The following PDE4D variants were observed in gnomAD, a reference collection of about 807,000 sequenced individuals.
PDE4D encodes 3',5'-cyclic-AMP phosphodiesterase 4D.
PDE4D carries 24 observed loss-of-function variants against 87.4 expected under a neutral mutation model. That is an observed-to-expected ratio of 0.27 (90% CI 0.20 to 0.39). The LOEUF is 0.39. PDE4D is among the 10% of genes least tolerant of loss of function. The pLI, the probability that PDE4D is intolerant of heterozygous loss-of-function variation, is 1.00. For missense variants in PDE4D, 714 were observed against 1,041.0 expected (o/e 0.69, Z 4.32); for synonymous variants, 384 against 383.2 (o/e 1.00, Z -0.02).
Position 59,406,395 on chromosome 5 carries a change from TCCCCCCC to T in PDE4D, c.456-190434_456-190428del, listed in dbSNP as rs3061708. 3.5e-3 allele frequency among the ~76,000 whole-genome samples: 117 copies of T among 33,244 alleles called. 3 individuals carry two copies. The highest frequency in any genetic ancestry group is 0.012 in the African/African-American group (96 of 8,176). The allele number at this position is 33,244 out of a possible 152,430, so 21.8% of individuals were successfully genotyped here. A position where few individuals can be genotyped will look rare whatever the true frequency, so the allele number is the denominator to read the frequency against. ...TCCCTTATCTTTCCTTATCTTTCCT[TCCCCCCC>T]CCCCCCCCCATAGAGTCTTGCTCTG... is the stretch of plus-strand genomic sequence containing the variant. On this transcript the variant is annotated intron_variant, in intron 1 of 14. Coordinates refer to ENST00000340635, the MANE Select transcript of PDE4D (RefSeq NM_001104631.2).
intron 2 of PDE4D, among the ~76,000 whole-genome samples, chr5:59,195,063 C>T (rs1745156765): frequency 6.6e-6 from 1 of 152,016 alleles, no homozygotes. Context: ...TCCATTTTTC[C>T]ATTGTTTGGG....
chr5:60,475,823 GAAAAAAAA>G (rs397792795), intron 1 of PDE4D, among the ~76,000 whole-genome samples: 1,407 of 95,060 alleles, frequency 0.015, 25 homozygotes, highest in African/African-American at 0.045. Context: ...TCTGTTAAAT[GAAAAAAAA>G]AAAAAAAAAA....
intron 1 of PDE4D, among the ~76,000 whole-genome samples, chr5:59,632,500 T>C (rs1831703860): frequency 6.6e-6 from 1 of 152,214 alleles, no homozygotes; most frequent in Admixed American, 6.5e-5. Context: ...GAGTTCTGGC[T>C]GGCATCTGTT....
chr5:59,699,796 AG>A (rs1362270013), intron 1 of PDE4D, among the ~76,000 whole-genome samples: 7 of 151,766 alleles, frequency 4.6e-5, no homozygotes, highest in Non-Finnish European at 1.0e-4. Flanking sequence ...TGTAGCAAAA[AG>A]GTATTTATTT....
chr5:59,405,973 G>C (rs954111486), intron 1 of PDE4D, among the ~76,000 whole-genome samples: 3 of 152,152 alleles, frequency 2.0e-5, no homozygotes, highest in Non-Finnish European at 4.4e-5. Flanking sequence ...TTCATTGGGA[G>C]TATTGGCCTG....
At chr5:59,098,761 G>T (rs2153432398) in intron 5 of PDE4D, among the ~76,000 whole-genome samples, 1 of 151,226 alleles carries the variant, frequency 6.6e-6, no homozygotes, top group African/African-American at 2.4e-5. Context: ...CTAGAAACAG[G>T]TCAAGGTTGG....
chr5:59,574,006 ATAT>A lies in PDE4D; in HGVS notation c.455+319159_455+319161del, dbSNP rs1213305323. Among the ~76,000 whole-genome samples, 16 of 95,970 alleles carry A rather than the reference ATAT, an allele frequency of 1.7e-4. 1 individual carries two copies. Among genetic ancestry groups the A allele is most frequent in the Non-Finnish European group, 2.3e-4 (11 of 48,818 alleles). 63.0% of individuals were successfully genotyped at this position (95,970 alleles called of 152,430 possible). On this transcript the variant is annotated intron_variant, in intron 1 of 14. Coordinates refer to ENST00000340635, the MANE Select transcript of PDE4D (RefSeq NM_001104631.2). ...AAGGGAGACTCTGTCTCAAAAAAAAATATATATATATATATATATATAAAAATA... is the reference window on the plus strand; with the variant it reads ...AAGGGAGACTCTGTCTCAAAAAAAAAATATATATATATATATATAAAAATA...
chr5:60,246,686 A>G (rs1262597996), intron 1 of PDE4D, among the ~76,000 whole-genome samples: 1 of 151,522 alleles, frequency 6.6e-6, no homozygotes, highest in Non-Finnish European at 1.5e-5. Flanking sequence ...CATTTTCAAT[A>G]TTCATTTTTC....
At chr5:59,113,277 T>C (rs1772999972) in intron 5 of PDE4D, among the ~76,000 whole-genome samples, 1 of 152,236 alleles carries the variant, frequency 6.6e-6, no homozygotes, top group African/African-American at 2.4e-5. Flanking sequence ...ATTCTATTAT[T>C]CCTTTCTTAA....
chr5:60,152,239 G>C (rs934695517), intron 2 of PDE4D, among the ~76,000 whole-genome samples: 1 of 152,040 alleles, frequency 6.6e-6, no homozygotes, highest in East Asian at 1.9e-4. Context: ...TCTTTTTCTG[G>C]CTTTAGAATC....
rs1228323685 is a variant in PDE4D at position 60,168,389 on chromosome 5, C to A, written c.42+17168G>T. On this transcript the variant is annotated intron_variant, in intron 2 of 16. Coordinates refer to the PDE4D transcript ENST00000502484. The stretch of plus-strand genomic sequence containing the variant: ...ATAATCCCTGTTTTCTAATTCCTCA[C>A]TGGAAATAAGTTATTGGCTATTTTC... 2.0e-5 allele frequency among the ~76,000 whole-genome samples: 3 copies of A among 152,212 alleles called. No individual in the cohort carries two copies. In the East Asian group the frequency reaches 5.8e-4, roughly 29 times the overall value.
Position 59,893,597 on chromosome 5 carries a change from G to T in PDE4D, c.26C>A (p.Pro9Gln), listed in dbSNP as rs1751301995. 1 of 1,519,804 alleles carries T rather than the reference G, an allele frequency of 6.6e-7. No homozygotes were observed. Among genetic ancestry groups the T allele is most frequent in the Non-Finnish European group, 8.8e-7 (1 of 1,135,004 alleles). The allele number at this position is 1,519,804 out of a possible 1,614,324, so 94.1% of individuals were successfully genotyped here. MEAEGSSA[P>Q]ARAGSGEGSD... ...GCCCTCTCCGCTGCCCGCCCGGGCC[G>T]GCGCGCTGCTGCCCTCTGCCTCCAT... The change falls in exon 1 of 15, where the codon CCG becomes CAG. Residue 9 changes from proline to glutamine, a missense_variant. By Grantham distance (76) the Pro-to-Gln change is moderately conservative. Around this residue, in one of 7 missense-constraint regions of PDE4D, gnomAD observed 268 missense variants for 272.9 expected, o/e 0.98. Coordinates refer to ENST00000340635, the MANE Select transcript of PDE4D (RefSeq NM_001104631.2).
At chr5:59,783,856 C>G (rs1259512820) in intron 1 of PDE4D, among the ~76,000 whole-genome samples, 1 of 152,076 alleles carries the variant, frequency 6.6e-6, no homozygotes, top group Non-Finnish European at 1.5e-5. Context: ...TGGTTGAGAC[C>G]AGGAGTTCAA....
chr5:59,205,191 A>C (rs534537738), intron 2 of PDE4D, among the ~76,000 whole-genome samples: 1 of 144,096 alleles, frequency 6.9e-6, no homozygotes, highest in East Asian at 2.0e-4. Flanking sequence ...TACATGGACC[A>C]TGCAGTGAGA....
chr5:60,149,867 A>G (rs1781346081), intron 2 of PDE4D, among the ~76,000 whole-genome samples: 1 of 147,586 alleles, frequency 6.8e-6, no homozygotes, highest in Non-Finnish European at 1.5e-5. Context: ...GTATATATGT[A>G]GATATAATTA....
intron 2 of PDE4D, among the ~76,000 whole-genome samples, chr5:59,209,513 A>G (rs1281124934): frequency 6.6e-6 from 1 of 152,204 alleles, no homozygotes; most frequent in Non-Finnish European, 1.5e-5. Context: ...TTCAGATATG[A>G]ATAAACAACT....
intron 1 of PDE4D, among the ~76,000 whole-genome samples, chr5:60,421,628 C>A (rs1383519232): frequency 1.3e-5 from 2 of 152,272 alleles, no homozygotes; most frequent in South Asian, 2.1e-4. Context: ...AACCAGAGTG[C>A]CTCTTCTCTT....
At chr5:59,675,902 G>C (rs1409760447) in intron 1 of PDE4D, among the ~76,000 whole-genome samples, 1 of 151,958 alleles carries the variant, frequency 6.6e-6, no homozygotes, top group Non-Finnish European at 1.5e-5. Context: ...ATGTTGCCCT[G>C]GCTGATCTCA....
At chr5:59,586,415 T>C (rs2153701873) in intron 1 of PDE4D, 3 of 1,604,838 alleles carry the variant, frequency 1.9e-6, no homozygotes, top group Non-Finnish European at 2.6e-6. Flanking sequence ...TCTTGTCTCC[T>C]ACGTTACATG....
Sources: allele counts gnomAD v4.1 joint callset (sites outside exome capture counted in the v4.1 genomes callset), GRCh38; gene constraint gnomAD v4.1.1; regional missense constraint gnomAD v4.1.1; transcripts MANE v1.5; gene names NCBI Gene and HGNC (gene_info 2026-07-23, HGNC 2026-07-21).